The following ZRANB3 variants were observed in gnomAD, a reference collection of about 807,000 sequenced individuals.
The protein encoded by ZRANB3 is zinc finger RANBP2-type containing 3, also known as DNA annealing helicase and endonuclease ZRANB3.
ZRANB3 carries 125 observed loss-of-function variants against 133.8 expected under a neutral mutation model. That is an observed-to-expected ratio of 0.93 (90% confidence interval 0.81 to 1.08). The LOEUF (loss-of-function observed/expected upper bound fraction) is 1.08, where lower values mean the gene tolerates loss of function less well. Ranked by LOEUF, ZRANB3 falls within the 50% of genes least tolerant of loss-of-function variation. ZRANB3 has a pLI of 0.00. For missense variants in ZRANB3, 1,229 were observed against 1,275.5 expected (o/e 0.96, Z 0.56); for synonymous variants, 387 against 432.7 (o/e 0.89, Z 1.31).
At chr2:135,501,963 T>C (rs980285118) in intron 2 of ZRANB3, among the ~76,000 whole-genome samples, 1 of 152,146 alleles carries the variant, frequency 6.6e-6, no homozygotes, top group African/African-American at 2.4e-5. Flanking sequence ...AAGGGTATTA[T>C]CAATGACAAT....
Position 135,360,636 on chromosome 2 carries a change from C to T in ZRANB3, c.181-7008G>A, listed in dbSNP as rs1332248582. Among the ~76,000 whole-genome samples, 10 of 152,126 alleles carry T rather than the reference C, an allele frequency of 6.6e-5. 1 individual carries two copies. Among genetic ancestry groups the T allele is most frequent in the Admixed American group, 5.2e-4 (8 of 15,280 alleles). ...AGGAGAATGGCGTGAACCCGGGAAG[C>T]GGAGCTTGCAGTGAGCGGAGATTGT... is the stretch of plus-strand genomic sequence containing the variant. On this transcript the variant is annotated intron_variant, in intron 3 of 20. Transcript: ENST00000264159.
At chr2:135,209,186 TTTTCTCA>T (rs1205098362) in intron 17 of ZRANB3, among the ~76,000 whole-genome samples, 2 of 152,206 alleles carry the variant, frequency 1.3e-5, no homozygotes, top group African/African-American at 4.8e-5. Context: ...TCCAAATTAG[TTTTCTCA>T]AATTTCTTTT....
intron 1 of ZRANB3, among the ~76,000 whole-genome samples, chr2:135,505,553 G>A (rs527243892): frequency 9.1e-4 from 138 of 151,516 alleles, no homozygotes; most frequent in Middle Eastern, 3.4e-3. Context: ...CAGCCTGGGC[G>A]ACAGAGTGAG....
intron 2 of ZRANB3, among the ~76,000 whole-genome samples, chr2:135,492,715 C>T (rs1370533): frequency 0.27 from 40,279 of 151,876 alleles, 8,885 homozygotes; most frequent in African/African-American, 0.59. Flanking sequence ...ACATGCTACA[C>T]TGAAGGTGTC....
intron 4 of ZRANB3, among the ~76,000 whole-genome samples, chr2:135,350,986 G>C (rs911502504): frequency 6.6e-6 from 1 of 152,148 alleles, no homozygotes; most frequent in South Asian, 2.1e-4. Context: ...TAAGGGCAGG[G>C]AATGTGTCTT....
intron 12 of ZRANB3, among the ~76,000 whole-genome samples, chr2:135,249,513 CG>C (rs1206522577): frequency 6.6e-6 from 1 of 152,196 alleles, no homozygotes; most frequent in African/African-American, 2.4e-5. Context: ...CCAAATACCA[CG>C]TTCTCACTTA....
intron 2 of ZRANB3, among the ~76,000 whole-genome samples, chr2:135,414,455 G>A (rs1440598948): frequency 2.6e-5 from 4 of 152,050 alleles, no homozygotes; most frequent in African/African-American, 9.6e-5. Context: ...TTCATAAAGC[G>A]AGTCCTGAGT....
At chr2:135,463,935 T>A (rs1355488177) in intron 2 of ZRANB3, among the ~76,000 whole-genome samples, 3 of 152,180 alleles carry the variant, frequency 2.0e-5, no homozygotes, top group Non-Finnish European at 4.4e-5. Flanking sequence ...AATCCCTTCA[T>A]CTATAAAACC....
intron 8 of ZRANB3, among the ~76,000 whole-genome samples, chr2:135,295,567 G>A (rs1682020700): frequency 6.6e-6 from 1 of 152,082 alleles, no homozygotes; most frequent in South Asian, 2.1e-4. Flanking sequence ...GGAGCATTTA[G>A]CCCATTTACA....
chr2:135,519,236 G>A (rs1693820153), intron 1 of ZRANB3, among the ~76,000 whole-genome samples: 1 of 152,114 alleles, frequency 6.6e-6, no homozygotes, highest in Non-Finnish European at 1.5e-5. Context: ...TTTCTAAGAT[G>A]TTACCACTGG....
At chr2:135,212,217 T>TA (rs1295411435) in intron 17 of ZRANB3, among the ~76,000 whole-genome samples, 4 of 152,172 alleles carry the variant, frequency 2.6e-5, no homozygotes, top group African/African-American at 9.7e-5. Context: ...TAAAGCACAG[T>TA]AAATTGTTTT....
chr2:135,494,221 T>C (rs1302849006), intron 2 of ZRANB3, among the ~76,000 whole-genome samples: 1 of 133,298 alleles, frequency 7.5e-6, no homozygotes, highest in Non-Finnish European at 1.5e-5. Flanking sequence ...ATCAGGAGAA[T>C]GGCATGAACC....
intron 8 of ZRANB3, among the ~76,000 whole-genome samples, chr2:135,285,177 T>C (rs1403324814): frequency 6.6e-6 from 1 of 152,150 alleles, no homozygotes; most frequent in Non-Finnish European, 1.5e-5. Context: ...TATGGTAAAC[T>C]CCTCTATTTG....
chr2:135,280,303 C>A (rs776650197), intron 8 of ZRANB3, among the ~76,000 whole-genome samples: 10 of 152,182 alleles, frequency 6.6e-5, no homozygotes, highest in Non-Finnish European at 1.3e-4. Flanking sequence ...CGTGGGGGCT[C>A]ATGCCTGTAA....
At chr2:135,240,235 T>C (rs1408795039) in intron 12 of ZRANB3, among the ~76,000 whole-genome samples, 1 of 152,118 alleles carries the variant, frequency 6.6e-6, no homozygotes, top group African/African-American at 2.4e-5. Flanking sequence ...CTAGCTACTT[T>C]AGGAGGCTGA....
intron 2 of ZRANB3, among the ~76,000 whole-genome samples, chr2:135,410,569 G>A (rs1392785809): frequency 1.3e-5 from 2 of 152,046 alleles, no homozygotes; most frequent in East Asian, 3.9e-4. Flanking sequence ...TCTGGACACT[G>A]GACTAGGCAA....
rs531000535 is a variant in ZRANB3, at chr2:135,291,157, T to G, written c.967-15402A>C. On this transcript the variant is annotated intron_variant, in intron 8 of 20. Coordinates refer to ENST00000264159, the MANE Select transcript of ZRANB3 (RefSeq NM_032143.4). ...GAATACAGGCGTGAGCCACTGCGCC[T>G]GGCCCGGGAACACCAATTATTCTTA... Among the ~76,000 whole-genome samples the G allele has an allele frequency of 3.3e-5, 5 of 151,852 alleles. No individual in the cohort carries two copies. In the East Asian group the frequency reaches 9.7e-4, roughly 29 times the overall value.
At chr2:135,464,969 G>A (rs1690916934) in intron 2 of ZRANB3, among the ~76,000 whole-genome samples, 1 of 152,178 alleles carries the variant, frequency 6.6e-6, no homozygotes, top group South Asian at 2.1e-4. Flanking sequence ...AATAGCCTCA[G>A]CCTGGAGGGC....
intron 2 of ZRANB3, among the ~76,000 whole-genome samples, chr2:135,457,066 A>G (rs1283100166): frequency 6.6e-6 from 1 of 152,242 alleles, no homozygotes; most frequent in African/African-American, 2.4e-5. Context: ...TAAATACGCC[A>G]TCATACAATA....
Sources: allele counts gnomAD v4.1 joint callset (sites outside exome capture counted in the v4.1 genomes callset), GRCh38; gene constraint gnomAD v4.1.1; transcripts MANE v1.5; gene names NCBI Gene and HGNC (gene_info 2026-07-23, HGNC 2026-07-21).